ANK3: variants seen among roughly 807,000 people sequenced by gnomAD.
The protein encoded by ANK3 is ankyrin-3.
In ANK3, 57 loss-of-function variants were observed where a neutral mutation model predicts 370.9. The ratio of observed to expected loss-of-function variants is 0.15; its 90% CI spans 0.12 to 0.19. The LOEUF (loss-of-function observed/expected upper bound fraction) is 0.19, where lower values mean the gene tolerates loss of function less well. Among genes scored for constraint, ANK3 ranks in the 10% least tolerant of loss-of-function variants. ANK3 has a pLI of 1.00. For missense variants in ANK3, 4,439 were observed against 5,302.1 expected (o/e 0.84, Z 5.06); for synonymous variants, 1,929 against 1,946.3 (o/e 0.99, Z 0.23).
chr10:60,043,639 G>T, intron 42 of ANK3: 1 of 985,430 alleles, frequency 1.0e-6, no homozygotes, highest in Non-Finnish European at 1.2e-6. Context: ...GTATGGATCC[G>T]ATGTGCAGAT....
Position 60,332,690 on chromosome 10 carries a change from A to G in ANK3, c.115-53051T>C, listed in dbSNP as rs72822292. On this transcript the variant is annotated intron_variant, in intron 1 of 43. Coordinates refer to ENST00000280772, the MANE Select transcript of ANK3 (RefSeq NM_020987.5). ...GATATTTGGGAAAGGCCAAAAATAA[A>G]TATATAAATAAGAGCACCCTATTCT... 3.8e-3 allele frequency among the ~76,000 whole-genome samples: 585 copies of G among 152,330 alleles called. 8 individuals are homozygous for G. The highest frequency in any genetic ancestry group is 6.6e-3 in the Non-Finnish European group (451 of 68,032).
chr10:60,060,926 T>C (rs1243700271), intron 40 of ANK3, among the ~76,000 whole-genome samples: 1 of 152,176 alleles, frequency 6.6e-6, no homozygotes, highest in Non-Finnish European at 1.5e-5. Flanking sequence ...AATCCCTTGT[T>C]TTAAACATTG....
intron 1 of ANK3, among the ~76,000 whole-genome samples, chr10:60,619,222 C>T (rs60538103): frequency 0.012 from 1,789 of 152,142 alleles, 36 homozygotes; most frequent in African/African-American, 0.041. Flanking sequence ...TTGAGTCTAT[C>T]TTGCTAAGAC....
At chr10:60,417,910 T>G (rs545136813) in intron 2 of ANK3, among the ~76,000 whole-genome samples, 2 of 151,994 alleles carry the variant, frequency 1.3e-5, no homozygotes, top group Non-Finnish European at 2.9e-5. Flanking sequence ...ACTTGAAAGG[T>G]TTTTTAAAAA....
At chr10:60,197,330 C>T (rs752966183) in intron 14 of ANK3, among the ~76,000 whole-genome samples, 1 of 152,198 alleles carries the variant, frequency 6.6e-6, no homozygotes, top group Non-Finnish European at 1.5e-5. Context: ...CCTCAGACTT[C>T]CAACTCCTAC....
At chr10:60,425,917 T>C (rs2063876314) in intron 2 of ANK3, among the ~76,000 whole-genome samples, 1 of 152,138 alleles carries the variant, frequency 6.6e-6, no homozygotes, top group African/African-American at 2.4e-5. Flanking sequence ...GAGAAAGCCC[T>C]TTAGGTTCTC....
rs771967681 is a variant in ANK3, at chr10:60,071,483, T to A, written c.9398A>T (p.Tyr3133Phe). The change falls in exon 37 of 44, where the codon TAT (tyrosine) becomes TTT (phenylalanine). Residue 3133 changes from tyrosine (Y) to phenylalanine (F), a missense_variant. Around this residue, in one of 13 missense-constraint regions of ANK3, gnomAD observed 1,601 missense variants for 1,731.7 expected, o/e 0.92. Transcript: ENST00000280772. ...KTVQETRGTFYTTRQQKQPPS... is the reference protein window; with the variant it reads ...KTVQETRGTFFTTRQQKQPPS... ...AGGTTGCTTTTGCTGTCTAGTTGTA[T>A]AAAAGGTCCCCCTGGTTTCTTGTAC... 6.2e-7 allele frequency: 1 copy of A among 1,613,928 alleles called. No homozygotes were observed. Among genetic ancestry groups the A allele is most frequent in the Non-Finnish European group, 8.5e-7 (1 of 1,179,908 alleles).
In ANK3 at chr10:60,422,540, A is replaced by T. The variant is rs146854868; in HGVS notation, c.97-142901T>A. ...TTTTTATAAAGTTCTTATCTTTTGGATTTCAGTTCTACCTGGATTCAGCAA... is the reference window on the plus strand; with the variant it reads ...TTTTTATAAAGTTCTTATCTTTTGGTTTTCAGTTCTACCTGGATTCAGCAA... On this transcript the variant is annotated intron_variant, in intron 2 of 43. Coordinates refer to the ANK3 transcript ENST00000373827. Among the ~76,000 whole-genome samples the T allele has an allele frequency of 2.2e-3, 342 of 152,144 alleles. 2 individuals are homozygous for T. The highest frequency in any genetic ancestry group is 7.8e-3 in the African/African-American group (324 of 41,502).
At chr10:60,484,251 C>T (rs544684772) in intron 2 of ANK3, among the ~76,000 whole-genome samples, 3 of 152,202 alleles carry the variant, frequency 2.0e-5, no homozygotes, top group Admixed American at 6.5e-5. Flanking sequence ...CCTTAGATGA[C>T]GGTTGTGTCA....
intron 2 of ANK3, among the ~76,000 whole-genome samples, chr10:60,449,785 T>C (rs2064548635): frequency 6.6e-6 from 1 of 152,202 alleles, no homozygotes; most frequent in Non-Finnish European, 1.5e-5. Context: ...TTAGGTGCTC[T>C]GAGAAATAAG....
chr10:60,284,800 G>C (rs2098220386), intron 1 of ANK3, among the ~76,000 whole-genome samples: 1 of 151,786 alleles, frequency 6.6e-6, no homozygotes, highest in African/African-American at 2.4e-5. Flanking sequence ...TTTTCTGGGG[G>C]GCGGGGGCAA....
chr10:60,659,102 T>C (rs930264883), intron 1 of ANK3, among the ~76,000 whole-genome samples: 1 of 152,126 alleles, frequency 6.6e-6, no homozygotes, highest in African/African-American at 2.4e-5. Flanking sequence ...ATTGTAGCCC[T>C]AAATATAAAA....
chr10:60,168,443 T>C (rs540712262), intron 21 of ANK3, among the ~76,000 whole-genome samples: 1 of 152,370 alleles, frequency 6.6e-6, no homozygotes, highest in South Asian at 2.1e-4. Context: ...TAATGGCCTT[T>C]TAATGTTTCA....
chr10:60,491,837 CCT>C (rs1367775730), intron 2 of ANK3, among the ~76,000 whole-genome samples: 7 of 152,128 alleles, frequency 4.6e-5, no homozygotes, highest in African/African-American at 1.7e-4. Flanking sequence ...TCTCTCTGCA[CCT>C]CTGTCTCCTC....
chr10:60,122,683 G>T (rs1249575033), intron 25 of ANK3, among the ~76,000 whole-genome samples: 1 of 152,150 alleles, frequency 6.6e-6, no homozygotes, highest in Non-Finnish European at 1.5e-5. Flanking sequence ...ATGCAGTGCT[G>T]GTGTTGGCAT....
At chr10:60,661,894 T>C (rs1588989280) in intron 1 of ANK3, among the ~76,000 whole-genome samples, 1 of 152,122 alleles carries the variant, frequency 6.6e-6, no homozygotes, top group African/African-American at 2.4e-5. Flanking sequence ...ACTCAAACAC[T>C]AGTATGCACT....
intron 26 of ANK3, among the ~76,000 whole-genome samples, chr10:60,111,962 G>T (rs2092743993): frequency 6.6e-6 from 1 of 152,166 alleles, no homozygotes; most frequent in African/African-American, 2.4e-5. Flanking sequence ...CCTGGCATCA[G>T]TGAAATATTT....
intron 40 of ANK3, chr10:60,061,922 C>T (rs2131938389): frequency 6.6e-6 from 1 of 152,104 alleles, no homozygotes; most frequent in East Asian, 1.9e-4. Context: ...AGAAAAATAT[C>T]CTTAGTTCTT....
intron 7 of ANK3, among the ~76,000 whole-genome samples, chr10:60,245,783 T>C (rs1040666410): frequency 6.6e-6 from 1 of 152,218 alleles, no homozygotes; most frequent in Admixed American, 6.5e-5. Flanking sequence ...ATTTCAAGGA[T>C]ATACTCAGGA....
Sources: gnomAD v4.1 joint callset for allele counts (sites outside exome capture counted in the v4.1 genomes callset) on GRCh38, gnomAD v4.1.1 for gene constraint, gnomAD v4.1.1 regional missense constraint, MANE v1.5 for transcripts, NCBI Gene and HGNC (gene_info 2026-07-23, HGNC 2026-07-21) for gene names.